The following LOC128462377 variants were observed in gnomAD, a reference collection of about 807,000 sequenced individuals.
chr16:89,374,330 G>C, the LOC128462377 span, among the ~76,000 whole-genome samples: 2 of 148,514 alleles, frequency 1.3e-5, no homozygotes, highest in Non-Finnish European at 3.0e-5. Flanking sequence ...CTCACCATGT[G>C]TTTTTGTAAA....
chr16:89,327,497 A>C, the LOC128462377 span, among the ~76,000 whole-genome samples: 1 of 152,236 alleles, frequency 6.6e-6, no homozygotes, highest in African/African-American at 2.4e-5. Context: ...AAATTCCAAG[A>C]AACTTTATTT....
the LOC128462377 span, among the ~76,000 whole-genome samples, chr16:89,334,167 A>AAAAC: frequency 2.9e-4 from 42 of 146,442 alleles, 1 homozygote; most frequent in African/African-American, 1.1e-3. Flanking sequence ...AAAAAAAAAA[A>AAAAC]AAAAAACAGA....
the LOC128462377 span, among the ~76,000 whole-genome samples, chr16:89,404,022 A>T: frequency 2.6e-5 from 4 of 152,236 alleles, no homozygotes; most frequent in African/African-American, 7.2e-5. Context: ...GAGACTCAGA[A>T]CTATGGCAAA....
At chr16:89,406,435 G>C in the LOC128462377 span, among the ~76,000 whole-genome samples, 1 of 152,222 alleles carries the variant, frequency 6.6e-6, no homozygotes, top group African/African-American at 2.4e-5. Flanking sequence ...TAGAGGAGAA[G>C]CAGCAGCTGC....
the LOC128462377 span, among the ~76,000 whole-genome samples, chr16:89,334,438 G>A: frequency 6.6e-6 from 1 of 152,122 alleles, no homozygotes; most frequent in African/African-American, 2.4e-5. Flanking sequence ...ATTCTCTGAG[G>A]AGTCCTCTCT....
the LOC128462377 span, among the ~76,000 whole-genome samples, chr16:89,332,964 T>TG: frequency 6.6e-6 from 1 of 152,262 alleles, no homozygotes; most frequent in Non-Finnish European, 1.5e-5. Context: ...ACAGCGGGGC[T>TG]GCTCCACGCT....
the LOC128462377 span, among the ~76,000 whole-genome samples, chr16:89,378,384 T>C: frequency 6.6e-6 from 1 of 152,208 alleles, no homozygotes; most frequent in Non-Finnish European, 1.5e-5. Flanking sequence ...ATATAATGAT[T>C]TCATCAACGT....
the LOC128462377 span, among the ~76,000 whole-genome samples, chr16:89,325,465 TCTCTCA>T: frequency 1.9e-4 from 26 of 139,442 alleles, no homozygotes; most frequent in South Asian, 1.8e-3. Context: ...TCTCTCTCTC[TCTCTCA>T]CACACACACA....
At chr16:89,322,549 G>A in the LOC128462377 span, among the ~76,000 whole-genome samples, 1 of 152,230 alleles carries the variant, frequency 6.6e-6, no homozygotes, top group Non-Finnish European at 1.5e-5. Flanking sequence ...GTGGAAAAGG[G>A]GAGGGAAGCC....
the LOC128462377 span, among the ~76,000 whole-genome samples, chr16:89,346,496 C>T: frequency 6.6e-6 from 1 of 152,140 alleles, no homozygotes; most frequent in Admixed American, 6.5e-5. Flanking sequence ...AACAGTCATC[C>T]AAACTTGATC....
the LOC128462377 span, among the ~76,000 whole-genome samples, chr16:89,354,501 G>A: frequency 1.3e-5 from 2 of 152,208 alleles, no homozygotes; most frequent in Admixed American, 6.5e-5. Context: ...AGAGGGCAGC[G>A]TGCCCAGCAC....
the LOC128462377 span, among the ~76,000 whole-genome samples, chr16:89,355,933 G>C: frequency 6.6e-6 from 1 of 152,200 alleles, no homozygotes; most frequent in South Asian, 2.1e-4. Context: ...GCTCAGGAAC[G>C]CTAAGTGACT....
At chr16:89,384,132 A>G in the LOC128462377 span, among the ~76,000 whole-genome samples, 2 of 152,258 alleles carry the variant, frequency 1.3e-5, no homozygotes, top group Middle Eastern at 3.4e-3. Context: ...AGGCAGGGAG[A>G]GTTGCTTGAA....
chr16:89,409,125 T>C, the LOC128462377 span, among the ~76,000 whole-genome samples: 1 of 152,146 alleles, frequency 6.6e-6, no homozygotes, highest in South Asian at 2.1e-4. Flanking sequence ...GGGCCAGGTA[T>C]CAGGCCCCTC....
At chr16:89,365,447 C>T in the LOC128462377 span, among the ~76,000 whole-genome samples, 1 of 152,232 alleles carries the variant, frequency 6.6e-6, no homozygotes, top group Non-Finnish European at 1.5e-5. Context: ...GCAGGGGAGC[C>T]TCCCAGATGA....
the LOC128462377 span, among the ~76,000 whole-genome samples, chr16:89,354,309 C>T: frequency 6.6e-6 from 1 of 151,334 alleles, no homozygotes; most frequent in African/African-American, 2.4e-5. Context: ...TTTGAAAAGC[C>T]TCCTTTTCCT....
the LOC128462377 span, among the ~76,000 whole-genome samples, chr16:89,388,798 AGG>A: frequency 6.6e-6 from 1 of 152,206 alleles, no homozygotes; most frequent in South Asian, 2.1e-4. Flanking sequence ...CCTGGGAAGA[AGG>A]TTCTGGAAGG....
At chr16:89,383,342 C>T in the LOC128462377 span, among the ~76,000 whole-genome samples, 2 of 152,244 alleles carry the variant, frequency 1.3e-5, no homozygotes, top group Non-Finnish European at 2.9e-5. Flanking sequence ...GGAGGGGCAG[C>T]AGCAGCCCCA....
the LOC128462377 span, among the ~76,000 whole-genome samples, chr16:89,328,467 A>T: frequency 6.6e-6 from 1 of 152,262 alleles, no homozygotes; most frequent in Non-Finnish European, 1.5e-5. Context: ...GGTGTCCTCG[A>T]AACTGGGTTT....
Sources: gnomAD v4.1 joint callset for allele counts (sites outside exome capture counted in the v4.1 genomes callset) on GRCh38, gnomAD v4.1.1 for gene constraint, MANE v1.5 for transcripts.